Variants in DGKB observed in about 807,000 individuals in gnomAD.
The protein encoded by DGKB is diacylglycerol kinase beta, also known as 90 kDa diacylglycerol kinase.
Under a neutral mutation model 114.3 loss-of-function variants are expected in DGKB, and 67 were observed. That is an observed-to-expected ratio of 0.59 (90% CI 0.48 to 0.72). The LOEUF (loss-of-function observed/expected upper bound fraction) is 0.72. DGKB is among the 30% of genes least tolerant of loss of function. The pLI is 0.00. For missense variants in DGKB, 907 were observed against 975.2 expected, an observed-to-expected ratio of 0.93 and a Z score of 0.93; for synonymous variants, 398 against 323.1, an observed-to-expected ratio of 1.23 and a Z score of -2.49.
intron 17 of DGKB, among the ~76,000 whole-genome samples, chr7:14,603,139 A>G (rs888285447): frequency 6.6e-6 from 1 of 151,430 alleles, no homozygotes; most frequent in African/African-American, 2.5e-5. Flanking sequence ...TAATCCATAG[A>G]TCTTTAATTT....
At chr7:14,574,152 G>A in intron 20 of DGKB, 60 bp downstream of exon 20, 6 of 1,334,242 alleles carry the variant, frequency 4.5e-6, no homozygotes, top group Non-Finnish European at 6.1e-6. Context: ...TAGTTTAAAA[G>A]TTTTCTCACT....
chr7:14,508,611 G>GA (rs1402347378), intron 20 of DGKB, among the ~76,000 whole-genome samples: 1 of 151,934 alleles, frequency 6.6e-6, no homozygotes, highest in Admixed American at 6.6e-5. Context: ...AAGGCTCCCA[G>GA]AATCTCTACA....
At chr7:14,908,309 C>T (rs747006849), upstream of DGKB, among the ~76,000 whole-genome samples, 2 of 152,154 alleles carry the variant, frequency 1.3e-5, no homozygotes, top group Non-Finnish European at 2.9e-5. Context: ...CTTTCTAACA[C>T]GCTGGAGGCC....
At chr7:14,873,070 G>A (rs1467543637) in intron 1 of DGKB, among the ~76,000 whole-genome samples, 1 of 152,026 alleles carries the variant, frequency 6.6e-6, no homozygotes, top group Admixed American at 6.5e-5. Context: ...AATTGACTTA[G>A]GTAATGGGAA....
chr7:14,165,689 G>C (rs1425568401), intron 25 of DGKB, among the ~76,000 whole-genome samples: 1 of 152,118 alleles, frequency 6.6e-6, no homozygotes, highest in Non-Finnish European at 1.5e-5. Flanking sequence ...TCATTTAAAT[G>C]GTATTTGAAA....
At chr7:14,732,828 T>C (rs1048065161) in intron 5 of DGKB, among the ~76,000 whole-genome samples, 5 of 152,182 alleles carry the variant, frequency 3.3e-5, no homozygotes, top group African/African-American at 1.2e-4. Context: ...CAGTAGATAA[T>C]ATAGGCTATT....
At chr7:14,587,837 G>C (rs1275930057) in intron 17 of DGKB, among the ~76,000 whole-genome samples, 1 of 152,066 alleles carries the variant, frequency 6.6e-6, no homozygotes, top group Non-Finnish European at 1.5e-5. Flanking sequence ...AAACCACAAT[G>C]CTATTGCACA....
At chr7:14,447,400 A>C (rs1332898382) in intron 21 of DGKB, among the ~76,000 whole-genome samples, 1 of 152,118 alleles carries the variant, frequency 6.6e-6, no homozygotes, top group Admixed American at 6.6e-5. Flanking sequence ...ATAAGGAGAC[A>C]GCAACAATAG....
intron 23 of DGKB, among the ~76,000 whole-genome samples, chr7:14,281,196 G>T (rs1464559782): frequency 2.0e-5 from 3 of 151,720 alleles, no homozygotes; most frequent in South Asian, 4.2e-4. Context: ...ACAAAAACAG[G>T]CAGGGGTTGC....
At chr7:14,186,542 CATT>C (rs1359747883) in intron 23 of DGKB, among the ~76,000 whole-genome samples, 1 of 152,102 alleles carries the variant, frequency 6.6e-6, no homozygotes, top group Non-Finnish European at 1.5e-5. Flanking sequence ...GAAAAGAAGT[CATT>C]ATTCAGAAAA....
chr7:14,258,064 CAG>C (rs1010477098), intron 23 of DGKB, among the ~76,000 whole-genome samples: 2 of 152,134 alleles, frequency 1.3e-5, no homozygotes, highest in Non-Finnish European at 2.9e-5. Flanking sequence ...TACCCAGTCT[CAG>C]GTATTTCTTC....
In DGKB at chr7:14,363,349, T is replaced by C. The variant is rs890502477; in HGVS notation, c.1836-17958A>G. Among the ~76,000 whole-genome samples, 9 of 152,256 alleles carry C rather than the reference T, an allele frequency of 5.9e-5. No homozygotes were observed. In the South Asian group the frequency reaches 1.5e-3, roughly 25 times the overall value. On this transcript the variant is annotated intron_variant, in intron 21 of 25. Coordinates refer to ENST00000402815, the MANE Select transcript of DGKB (RefSeq NM_001350709.2). ...TGCCTATAGTCTCTATCATATTGTA[T>C]AGCAGAAAAGACACGAACTGTTCAA...
At chr7:14,171,461 G>A (rs1183067645) in intron 25 of DGKB, among the ~76,000 whole-genome samples, 1 of 152,064 alleles carries the variant, frequency 6.6e-6, no homozygotes. Flanking sequence ...AATAATACAT[G>A]CCTATTAATA....
intron 2 of DGKB, among the ~76,000 whole-genome samples, chr7:14,762,622 T>C (rs2128457166): frequency 6.6e-6 from 1 of 152,264 alleles, no homozygotes; most frequent in South Asian, 2.1e-4. Context: ...TCTTTAGGCA[T>C]CTGTTACATC....
intron 25 of DGKB, among the ~76,000 whole-genome samples, chr7:14,157,874 A>C (rs1368580389): frequency 1.3e-5 from 2 of 152,126 alleles, no homozygotes; most frequent in Non-Finnish European, 2.9e-5. Context: ...CAATACAAAA[A>C]CACTTCTTTT....
intron 2 of DGKB, among the ~76,000 whole-genome samples, chr7:14,761,275 A>G (rs1835656731): frequency 6.6e-6 from 1 of 152,144 alleles, no homozygotes; most frequent in Non-Finnish European, 1.5e-5. Context: ...TTGCGCATGG[A>G]ACACCAGAGA....
chr7:14,617,478 C>T (rs1025226971), intron 15 of DGKB, among the ~76,000 whole-genome samples: 4 of 151,566 alleles, frequency 2.6e-5, no homozygotes, highest in South Asian at 2.1e-4. Flanking sequence ...AACAAGCCTA[C>T]GTCTTATAAC....
intron 23 of DGKB, among the ~76,000 whole-genome samples, chr7:14,244,499 A>G (rs6960409): frequency 9.9e-6 from 1 of 100,792 alleles, no homozygotes; most frequent in African/African-American, 4.4e-5. Context: ...TACTAAAAGT[A>G]CAAAAAGAAA....
At chr7:14,149,471 T>A (rs759054624) in intron 25 of DGKB, among the ~76,000 whole-genome samples, 1 of 152,182 alleles carries the variant, frequency 6.6e-6, no homozygotes, top group Non-Finnish European at 1.5e-5. Flanking sequence ...TTAAAAATTA[T>A]CTGAAGTTGC....
Sources: allele counts gnomAD v4.1 joint callset (sites outside exome capture counted in the v4.1 genomes callset), GRCh38; gene constraint gnomAD v4.1.1; transcripts MANE v1.5; gene names NCBI Gene and HGNC (gene_info 2026-07-23, HGNC 2026-07-21).